PRKCQ: variants seen among roughly 807,000 people sequenced by gnomAD.
PRKCQ encodes protein kinase C theta type.
Under a neutral mutation model 91.2 loss-of-function variants are expected in PRKCQ, and 41 were observed. The observed-to-expected ratio is 0.45, with a 90% CI of 0.35 to 0.58. The LOEUF is 0.58. Ranked by LOEUF, PRKCQ falls within the 20% of genes least tolerant of loss-of-function variation. The pLI is 0.00. For synonymous variants in PRKCQ, 307 were observed against 316.9 expected (o/e 0.97, Z 0.33); for missense variants, 673 against 896.5 (o/e 0.75, Z 3.18).
intron 15 of PRKCQ, among the ~76,000 whole-genome samples, chr10:6,451,035 A>G (rs1328647755): frequency 2.6e-5 from 4 of 151,940 alleles, no homozygotes; most frequent in Non-Finnish European, 5.9e-5. Flanking sequence ...GCAAGAGCAA[A>G]CACATTCAAA....
At chr10:6,520,040 C>A (rs1218389021) in intron 1 of PRKCQ, among the ~76,000 whole-genome samples, 1 of 152,176 alleles carries the variant, frequency 6.6e-6, no homozygotes, top group Non-Finnish European at 1.5e-5. Context: ...TAGTCTCATA[C>A]TTTATGACAA....
At chr10:6,437,001 G>A (rs1833729404) in intron 16 of PRKCQ, among the ~76,000 whole-genome samples, 1 of 152,128 alleles carries the variant, frequency 6.6e-6, no homozygotes, top group Admixed American at 6.5e-5. Context: ...GGGGTGTTGG[G>A]GGATTGTGAC....
At chr10:6,489,804 GAA>G (rs1312010305) in intron 8 of PRKCQ, among the ~76,000 whole-genome samples, 1 of 152,070 alleles carries the variant, frequency 6.6e-6, no homozygotes, top group East Asian at 1.9e-4. Flanking sequence ...GAGCGGAAAG[GAA>G]AGAGTATTCA....
chr10:6,424,338 CCT>C, downstream of PRKCQ, among the ~76,000 whole-genome samples: 1 of 152,280 alleles, frequency 6.6e-6, no homozygotes, highest in South Asian at 2.1e-4. Flanking sequence ...TTGACCCTGT[CCT>C]CTCATCTAGC....
chr10:6,578,551 T>G (rs1329886102), intron 1 of PRKCQ, among the ~76,000 whole-genome samples: 1 of 152,196 alleles, frequency 6.6e-6, no homozygotes, highest in Non-Finnish European at 1.5e-5. Flanking sequence ...AGTGGATCGC[T>G]AACTTGCAGG....
chr10:6,410,185 G>A, the PRKCQ span, among the ~76,000 whole-genome samples: 1 of 152,196 alleles, frequency 6.6e-6, no homozygotes, highest in African/African-American at 2.4e-5. Flanking sequence ...CTGTTACCCA[G>A]CTGTTCTCAG....
At chr10:6,498,693 G>T in intron 4 of PRKCQ, 135 bp from the exon 5 acceptor site, 1 of 775,694 alleles carries the variant, frequency 1.3e-6, no homozygotes, top group Non-Finnish European at 2.1e-6. Flanking sequence ...AACATTCCAG[G>T]TACTCATTAT....
chr10:6,564,310 G>C (rs1425317502), intron 1 of PRKCQ, among the ~76,000 whole-genome samples: 1 of 152,136 alleles, frequency 6.6e-6, no homozygotes, highest in Non-Finnish European at 1.5e-5. Flanking sequence ...GTCCTCTGTA[G>C]GAAATATTAT....
intron 12 of PRKCQ, among the ~76,000 whole-genome samples, chr10:6,473,282 C>T (rs1248525571): frequency 6.6e-6 from 1 of 152,222 alleles, no homozygotes; most frequent in Non-Finnish European, 1.5e-5. Context: ...ACTCTGACTT[C>T]ATTCTTTTGG....
intron 17 of PRKCQ, among the ~76,000 whole-genome samples, chr10:6,428,946 T>C (rs1336104781): frequency 6.6e-6 from 1 of 152,156 alleles, no homozygotes; most frequent in East Asian, 1.9e-4. Context: ...TTGGTTTTCA[T>C]GGCAAAAAAA....
At chr10:6,468,024 G>A (rs577261494) in intron 12 of PRKCQ, among the ~76,000 whole-genome samples, 15 of 152,146 alleles carry the variant, frequency 9.9e-5, no homozygotes, top group Non-Finnish European at 2.1e-4. Flanking sequence ...CTGGGCAACA[G>A]AGTGAGACCC....
intron 15 of PRKCQ, among the ~76,000 whole-genome samples, 168 bp from the exon 16 acceptor site, chr10:6,442,249 T>TAAAC (rs1053286710): frequency 9.2e-5 from 14 of 152,228 alleles, no homozygotes; most frequent in African/African-American, 3.4e-4. Flanking sequence ...GAGCAGTGTC[T>TAAAC]AAACAATGCT....
At chr10:6,523,041 A>AG (rs1470752805) in intron 1 of PRKCQ, among the ~76,000 whole-genome samples, 5 of 152,210 alleles carry the variant, frequency 3.3e-5, no homozygotes, top group Non-Finnish European at 7.3e-5. Flanking sequence ...AGTAAAAAAA[A>AG]AATCACATAG....
chr10:6,562,262 G>A (rs1429563311), intron 1 of PRKCQ, among the ~76,000 whole-genome samples: 12 of 152,142 alleles, frequency 7.9e-5, no homozygotes, highest in Admixed American at 7.9e-4. Context: ...AAACCACTGT[G>A]GCCATCTCCT....
At chr10:6,514,979 C>T in intron 2 of PRKCQ, 39 bp downstream of exon 2, 8 of 1,608,380 alleles carry the variant, frequency 5.0e-6, no homozygotes, top group Non-Finnish European at 5.9e-6. Context: ...GCAGGATTCT[C>T]CTCCTCCTCC....
At chr10:6,536,076 C>T (rs372761359) in intron 1 of PRKCQ, among the ~76,000 whole-genome samples, 32 of 152,160 alleles carry the variant, frequency 2.1e-4, no homozygotes, top group African/African-American at 7.5e-4. Context: ...AGCAGATGTG[C>T]GTGGGGAGGT....
chr10:6,396,704 T>C, the PRKCQ span, among the ~76,000 whole-genome samples: 20 of 152,392 alleles, frequency 1.3e-4, no homozygotes, highest in African/African-American at 4.8e-4. Flanking sequence ...ACATTTGGGT[T>C]GTTCATACCT....
At chr10:6,472,438 G>A (rs958598536) in intron 12 of PRKCQ, among the ~76,000 whole-genome samples, 1 of 152,234 alleles carries the variant, frequency 6.6e-6, no homozygotes, top group African/African-American at 2.4e-5. Flanking sequence ...GTTATTTCCT[G>A]TGTATTTGGA....
intron 1 of PRKCQ, among the ~76,000 whole-genome samples, chr10:6,534,787 T>TAG (rs1213320981): frequency 6.9e-6 from 1 of 145,534 alleles, no homozygotes; most frequent in East Asian, 2.0e-4. Flanking sequence ...TATATATATA[T>TAG]ATATAGATAT....
Sources: allele counts gnomAD v4.1 joint callset (sites outside exome capture counted in the v4.1 genomes callset), GRCh38; gene constraint gnomAD v4.1.1; transcripts MANE v1.5; gene names NCBI Gene and HGNC (gene_info 2026-07-23, HGNC 2026-07-21).